The following TENM3 variants were observed in gnomAD, a reference collection of about 807,000 sequenced individuals.
TENM3 encodes teneurin-3.
A neutral mutation model predicts 255.1 loss-of-function variants in TENM3; 63 were observed. The ratio of observed to expected loss-of-function variants is 0.25; its 90% CI spans 0.20 to 0.30. The LOEUF is 0.30. Among genes scored for constraint, TENM3 ranks in the 10% least tolerant of loss-of-function variants. The pLI is 1.00. For missense variants in TENM3, 2,929 were observed against 3,461.1 expected (o/e 0.85, Z 3.86); for synonymous variants, 1,306 against 1,322.3 (o/e 0.99, Z 0.27).
the TENM3 span, among the ~76,000 whole-genome samples, chr4:181,971,076 G>A: frequency 6.6e-6 from 1 of 152,108 alleles, no homozygotes; most frequent in Non-Finnish European, 1.5e-5. Context: ...AGCTCCCAAA[G>A]CGCTGGGATT....
At chr4:181,669,628 GACCAGAT>G in the TENM3 span, among the ~76,000 whole-genome samples, 2 of 152,064 alleles carry the variant, frequency 1.3e-5, no homozygotes, top group East Asian at 3.9e-4. Context: ...ACTTTTGCTA[GACCAGAT>G]ACCCCCAGCG....
chr4:181,553,497 A>T, the TENM3 span, among the ~76,000 whole-genome samples: 2,105 of 151,992 alleles, frequency 0.014, 47 homozygotes, highest in Middle Eastern at 0.017. Context: ...GCTGGAGTGC[A>T]GGGGCGCGAT....
chr4:182,316,276 C>T (rs1762743258), intron 1 of TENM3, among the ~76,000 whole-genome samples: 1 of 152,114 alleles, frequency 6.6e-6, no homozygotes, highest in African/African-American at 2.4e-5. Flanking sequence ...TAGGTAGAAC[C>T]AGAACTGTGT....
intron 3 of TENM3, among the ~76,000 whole-genome samples, chr4:182,353,191 C>T (rs1360735170): frequency 1.6e-4 from 24 of 152,130 alleles, no homozygotes; most frequent in Non-Finnish European, 1.0e-4. Flanking sequence ...CAGCTTTATC[C>T]AGGAACCTTT....
chr4:182,040,338 A>G, the TENM3 span, among the ~76,000 whole-genome samples: 1 of 151,984 alleles, frequency 6.6e-6, no homozygotes, highest in African/African-American at 2.4e-5. Context: ...AAAGGGCTTA[A>G]TCAATCAATT....
the TENM3 span, among the ~76,000 whole-genome samples, chr4:181,816,810 C>A: frequency 1.3e-5 from 2 of 152,196 alleles, no homozygotes; most frequent in Non-Finnish European, 2.9e-5. Flanking sequence ...TCGATAATGT[C>A]ATTGCTTAAG....
intron 8 of TENM3, 112 bp from the exon 9 acceptor site, chr4:182,680,136 C>A: frequency 1.2e-6 from 1 of 828,202 alleles, no homozygotes; most frequent in Non-Finnish European, 2.0e-6. Context: ...AGTGACAGTG[C>A]TTTGCTTTAC....
Position 182,679,860 on chromosome 4 carries a change from T to G in TENM3, c.1521T>G (p.Phe507Leu). The change falls in exon 8 of 28, where the codon TTT becomes TTG. Residue 507 changes from phenylalanine to leucine, a missense_variant. Coordinates refer to ENST00000511685, the MANE Select transcript of TENM3 (RefSeq NM_001080477.4). Reference protein sequence around the residue: ...NDGKNAEQVSFNTIVIESVVE... With the variant: ...NDGKNAEQVSLNTIVIESVVE... The stretch of plus-strand genomic sequence containing the variant: ...GGAAAAATGCAGAGCAGGTGTCTTT[T>G]AATACCATTGTTATAGGTAAGAATA... The G allele has an allele frequency of 6.2e-7, 1 of 1,610,776 alleles. No homozygotes were observed. Among genetic ancestry groups the G allele is most frequent in the South Asian group, 1.1e-5 (1 of 90,488 alleles).
the TENM3 span, among the ~76,000 whole-genome samples, chr4:181,965,255 T>C: frequency 0.58 from 88,520 of 152,030 alleles, 26,337 homozygotes; most frequent in African/African-American, 0.66. Flanking sequence ...GCATTTAATC[T>C]TTCGTCTTTC....
the TENM3 span, among the ~76,000 whole-genome samples, chr4:181,565,172 G>C: frequency 6.6e-6 from 1 of 152,148 alleles, no homozygotes; most frequent in South Asian, 2.1e-4. Flanking sequence ...ATAATTCCCT[G>C]AGTTAAAGAC....
At chr4:181,600,085 A>G in the TENM3 span, among the ~76,000 whole-genome samples, 2 of 152,212 alleles carry the variant, frequency 1.3e-5, no homozygotes, top group Non-Finnish European at 2.9e-5. Flanking sequence ...CTAATGCTGC[A>G]TGTAATCTCC....
intron 4 of TENM3, among the ~76,000 whole-genome samples, chr4:182,617,446 G>A (rs1749646876): frequency 6.6e-6 from 1 of 152,152 alleles, no homozygotes; most frequent in South Asian, 2.1e-4. Context: ...ATCCACAAGT[G>A]TGGGATTCAT....
At chr4:182,297,788 G>A (rs1459154732) in intron 1 of TENM3, among the ~76,000 whole-genome samples, 2 of 152,222 alleles carry the variant, frequency 1.3e-5, no homozygotes, top group Non-Finnish European at 2.9e-5. Flanking sequence ...GGGCAGCCAG[G>A]TGGATAGCCA....
chr4:182,755,347 G>T (rs375685015), intron 22 of TENM3, 88 bp downstream of exon 22: 1 of 1,245,844 alleles, frequency 8.0e-7, no homozygotes. Flanking sequence ...AAGAGCTGGA[G>T]GATTCCATGT....
chr4:182,417,496 C>T (rs1770475230), intron 3 of TENM3, among the ~76,000 whole-genome samples: 6 of 151,916 alleles, frequency 3.9e-5, no homozygotes, highest in African/African-American at 4.8e-5. Context: ...TTTTTACTTG[C>T]ATTCTTTTTT....
At chr4:182,393,054 C>T (rs17073231) in intron 3 of TENM3, among the ~76,000 whole-genome samples, 2,890 of 152,232 alleles carry the variant, frequency 0.019, 80 homozygotes, top group African/African-American at 0.064. Context: ...AAGATGCTAT[C>T]GGAGCGTTTC....
chr4:181,652,165 A>T, the TENM3 span, among the ~76,000 whole-genome samples: 1 of 145,850 alleles, frequency 6.9e-6, no homozygotes. Flanking sequence ...AAAAAAAAAA[A>T]TCCACTCAGG....
intron 3 of TENM3, among the ~76,000 whole-genome samples, chr4:182,497,414 C>CTA (rs1735881929): frequency 6.6e-6 from 1 of 152,114 alleles, no homozygotes; most frequent in African/African-American, 2.4e-5. Flanking sequence ...TTTTAGTGTG[C>CTA]TATACTAAAT....
chr4:181,740,425 T>C, the TENM3 span, among the ~76,000 whole-genome samples: 1 of 152,202 alleles, frequency 6.6e-6, no homozygotes, highest in African/African-American at 2.4e-5. Flanking sequence ...AGACAAAATA[T>C]AAATGGGACT....
Sources: gnomAD v4.1 joint callset for allele counts (sites outside exome capture counted in the v4.1 genomes callset) on GRCh38, gnomAD v4.1.1 for gene constraint, MANE v1.5 for transcripts, NCBI Gene and HGNC (gene_info 2026-07-23, HGNC 2026-07-21) for gene names.